The following SLC7A11 variants were observed in gnomAD, a reference collection of about 807,000 sequenced individuals.
SLC7A11 encodes solute carrier family 7 member 11, also known as cystine/glutamate transporter.
SLC7A11 carries 35 observed loss-of-function variants against 54.5 expected under a neutral mutation model. The observed-to-expected ratio is 0.64, with a 90% CI of 0.49 to 0.85. The LOEUF (loss-of-function observed/expected upper bound fraction) is 0.85, where lower values mean the gene tolerates loss of function less well. SLC7A11 is among the 40% of genes least tolerant of loss of function. The probability of loss-of-function intolerance (pLI) is 0.00; values close to 1 mark genes in which losing one functional copy is unlikely to be tolerated. For synonymous variants in SLC7A11, 230 were observed against 225.2 expected (o/e 1.02, Z -0.19); for missense variants, 583 against 618.1 (o/e 0.94, Z 0.60).
chr4:138,192,253 G>T (rs993166569), intron 6 of SLC7A11, among the ~76,000 whole-genome samples: 1 of 152,112 alleles, frequency 6.6e-6, no homozygotes, highest in African/African-American at 2.4e-5. Flanking sequence ...TATCTAGGAG[G>T]GGCAAGTGAC....
At chr4:138,231,227 T>C (rs1331869057) in intron 3 of SLC7A11, among the ~76,000 whole-genome samples, 1 of 152,226 alleles carries the variant, frequency 6.6e-6, no homozygotes, top group East Asian at 1.9e-4. Flanking sequence ...AATTACTTAA[T>C]ATCTACGATG....
At chr4:138,186,936 A>G (rs1227436394) in intron 6 of SLC7A11, among the ~76,000 whole-genome samples, 3 of 152,292 alleles carry the variant, frequency 2.0e-5, no homozygotes, top group South Asian at 2.1e-4. Context: ...GAGGAAAAGA[A>G]GAAGAGAAAA....
rs922218031 is a variant in SLC7A11 at position 138,184,769 on chromosome 4, T to C, written c.915+352A>G. The stretch of plus-strand genomic sequence containing the variant: ...TGAAAAGTTTACAAACAGGAAAGTG[T>C]ACAGAATAAATTGTAATTTGCATAG... On this transcript the variant is annotated intron_variant, in intron 7 of 11. Transcript: ENST00000280612. Among the ~76,000 whole-genome samples, 4 of 142,364 alleles carry C rather than the reference T, an allele frequency of 2.8e-5. No homozygotes were observed. In the Admixed American group the frequency reaches 3.0e-4, roughly 11 times the overall value. The allele number at this position is 142,364 out of a possible 152,430, so 93.4% of individuals were successfully genotyped here.
chr4:138,225,138 CTATATATATATATATATA>C (rs36216785), intron 3 of SLC7A11, among the ~76,000 whole-genome samples: 3 of 118,326 alleles, frequency 2.5e-5, no homozygotes, highest in Admixed American at 1.8e-4. Flanking sequence ...AATAATTTCA[CTATATATATATATATATA>C]TATATATATA....
intron 6 of SLC7A11, among the ~76,000 whole-genome samples, chr4:138,210,373 C>G (rs1737518529): frequency 6.6e-6 from 1 of 151,824 alleles, no homozygotes; most frequent in Non-Finnish European, 1.5e-5. Flanking sequence ...GCAATTGCAA[C>G]AAAAACAAAA....
At chr4:138,234,808 G>A (rs538785792) in intron 2 of SLC7A11, among the ~76,000 whole-genome samples, 2 of 152,324 alleles carry the variant, frequency 1.3e-5, no homozygotes, top group South Asian at 2.1e-4. Flanking sequence ...ATACATGGCT[G>A]AAGACGGAGT....
intron 3 of SLC7A11, among the ~76,000 whole-genome samples, chr4:138,225,450 A>G (rs1386424989): frequency 6.6e-6 from 1 of 151,936 alleles, no homozygotes; most frequent in Non-Finnish European, 1.5e-5. Context: ...GGGTTATTTC[A>G]TCTGTGTTGG....
At chr4:138,239,815 G>T (rs751801174) in intron 1 of SLC7A11, among the ~76,000 whole-genome samples, 1 of 152,038 alleles carries the variant, frequency 6.6e-6, no homozygotes, top group Admixed American at 6.5e-5. Flanking sequence ...CTTTTATTAT[G>T]TGCAAAAATT....
At position 138,166,922 on chromosome 4, in the gene SLC7A11, A is replaced by G. The variant is rs934916308; in HGVS notation, c.*5034T>C. On this transcript the variant is annotated 3_prime_UTR_variant, in exon 12 of 12. Transcript: ENST00000280612. ...ACAGTTATCTCACGACATATGGAAA[A>G]TTGGTGAATTTCCTGTGAGACTATG... is the stretch of plus-strand genomic sequence containing the variant. The G allele has an allele frequency of 1.2e-4, 19 of 152,160 alleles. No individual in the cohort carries two copies. Among genetic ancestry groups the G allele is most frequent in the Admixed American group, 4.6e-4 (7 of 15,274 alleles). The allele number at this position is 152,160 out of a possible 1,614,324, so 9.4% of individuals were successfully genotyped here.
chr4:138,223,295 C>T lies in SLC7A11; in HGVS notation c.550G>A (p.Val184Ile), dbSNP rs1056606910. 3 of 1,613,520 alleles carry T rather than the reference C, an allele frequency of 1.9e-6. No homozygotes were observed. In the African/African-American group the frequency reaches 4.0e-5, roughly 22 times the overall value. The change falls in exon 4 of 12, where the codon GTC becomes ATC. Residue 184 changes from valine to isoleucine, a missense_variant. By Grantham distance (29) the Val-to-Ile change is conservative. Coordinates refer to ENST00000280612, the MANE Select transcript of SLC7A11 (RefSeq NM_014331.4). The stretch of plus-strand genomic sequence containing the variant: ...ATCTGGATCCGGGCGCTCCAGCTGA[C>T]ACTCATGCTATTTAGGACCATCACT... Reference protein sequence around the residue: ...TVVMVLNSMSVSWSARIQIFL... With the variant: ...TVVMVLNSMSISWSARIQIFL...
At chr4:138,211,091 A>C (rs80299210) in intron 6 of SLC7A11, among the ~76,000 whole-genome samples, 8 of 152,034 alleles carry the variant, frequency 5.3e-5, no homozygotes, top group Non-Finnish European at 1.2e-4. Context: ...CCTTTACAGC[A>C]ACATGGATGC....
intron 8 of SLC7A11, 120 bp downstream of exon 8, chr4:138,183,082 G>A (rs1736785907): frequency 1.5e-6 from 1 of 687,792 alleles, no homozygotes; most frequent in East Asian, 2.7e-5. Context: ...TTTCAATCTT[G>A]CATGTCCCTT....
At chr4:138,189,563 A>G (rs1202368435) in intron 6 of SLC7A11, among the ~76,000 whole-genome samples, 1 of 152,226 alleles carries the variant, frequency 6.6e-6, no homozygotes, top group South Asian at 2.1e-4. Flanking sequence ...GGACCTTTAC[A>G]TGCTGACAAA....
At chr4:138,224,813 T>TG (rs1737898774) in intron 3 of SLC7A11, among the ~76,000 whole-genome samples, 8 of 57,788 alleles carry the variant, frequency 1.4e-4, no homozygotes, top group African/African-American at 3.6e-4. Context: ...GAAGGAAGGA[T>TG]GAAAGGAAGG....
chr4:138,235,343 G>T lies in SLC7A11; in HGVS notation c.404+982C>A, dbSNP rs542109483. On this transcript the variant is annotated intron_variant, in intron 2 of 11. Coordinates refer to ENST00000280612, the MANE Select transcript of SLC7A11 (RefSeq NM_014331.4). ...TTTCATTATAACAATTTTAAATAAT[G>T]CAGAGTGTTTAAAATGAAAAAGCCT... 5.3e-5 allele frequency among the ~76,000 whole-genome samples: 8 copies of T among 152,026 alleles called. No homozygotes were observed. In the South Asian group the frequency reaches 1.5e-3, roughly 28 times the overall value.
intron 4 of SLC7A11, among the ~76,000 whole-genome samples, chr4:138,222,279 T>C (rs1681435881): frequency 6.6e-6 from 1 of 152,224 alleles, no homozygotes; most frequent in South Asian, 2.1e-4. Context: ...CCAACAGTGA[T>C]GATTTTACCA....
At chr4:138,172,574 T>C (rs1449411010) in intron 11 of SLC7A11, among the ~76,000 whole-genome samples, 5 of 152,130 alleles carry the variant, frequency 3.3e-5, no homozygotes, top group East Asian at 1.9e-4. Context: ...TCAACTACCA[T>C]ACTAGAAATG....
chr4:138,232,245 C>A, intron 3 of SLC7A11, 22 bp downstream of exon 3: 1 of 1,429,854 alleles, frequency 7.0e-7, no homozygotes, highest in Non-Finnish European at 9.9e-7. Context: ...TCCTTTTTCA[C>A]ATATATAGCT....
intron 7 of SLC7A11, 30 bp from the exon 8 acceptor site, chr4:138,183,335 T>A (rs755321433): frequency 1.4e-6 from 2 of 1,448,296 alleles, no homozygotes; most frequent in Non-Finnish European, 1.9e-6. Flanking sequence ...AGCAAATTAA[T>A]GCCTTGCCAG....
Sources: allele counts gnomAD v4.1 joint callset (sites outside exome capture counted in the v4.1 genomes callset), GRCh38; gene constraint gnomAD v4.1.1; transcripts MANE v1.5; gene names NCBI Gene and HGNC (gene_info 2026-07-23, HGNC 2026-07-21).